Variants in IL4R observed in about 807,000 individuals in gnomAD.
IL4R encodes the protein interleukin 4 receptor.
IL4R carries 17 observed loss-of-function variants against 41.5 expected under a neutral mutation model. The observed-to-expected ratio is 0.41, with a 90% CI of 0.28 to 0.61. IL4R has a LOEUF of 0.61. IL4R is among the 20% of genes least tolerant of loss of function. IL4R has a pLI of 0.31. For missense variants in IL4R, 974 were observed against 1,043.1 expected (o/e 0.93, Z 0.91); for synonymous variants, 402 against 422.9 (o/e 0.95, Z 0.61).
intron 1 of IL4R, among the ~76,000 whole-genome samples, chr16:27,315,140 C>T (rs1211095182): frequency 1.3e-5 from 2 of 152,242 alleles, no homozygotes; most frequent in African/African-American, 2.4e-5. Context: ...CACTGCACTT[C>T]CCTGCCCCCA....
At position 27,364,066 on chromosome 16, in the gene IL4R, GC is replaced by G. The variant is rs1382128286; in HGVS notation, c.*238del. On this transcript the variant is annotated 3_prime_UTR_variant, in exon 11 of 11. Transcript: ENST00000395762. ...CCATGAGAGTAGAGGGCACTGGGTC[GC>G]CGTGCCCCACGGCAGGCCCCTGCAG... 9 of 507,664 alleles carry G rather than the reference GC, an allele frequency of 1.8e-5. No individual in the cohort carries two copies. In the East Asian group the frequency reaches 2.2e-4, roughly 13 times the overall value. The allele number at this position is 507,664 out of a possible 1,614,324, so 31.4% of individuals were successfully genotyped here. A position where few individuals can be genotyped will look rare whatever the true frequency, so the allele number is the denominator to read the frequency against.
intron 1 of IL4R, among the ~76,000 whole-genome samples, chr16:27,319,196 G>A (rs796463375): frequency 6.6e-6 from 1 of 152,358 alleles, no homozygotes; most frequent in African/African-American, 2.4e-5. Context: ...GGTGTGGTTG[G>A]ATGGAACCAA....
intron 2 of IL4R, among the ~76,000 whole-genome samples, chr16:27,331,226 G>C (rs1290968685): frequency 6.6e-6 from 1 of 151,946 alleles, no homozygotes; most frequent in Non-Finnish European, 1.5e-5. Flanking sequence ...CAGGGTTTGG[G>C]GTTTACATTA....
At chr16:27,338,134 T>C (rs1275036922) in intron 2 of IL4R, among the ~76,000 whole-genome samples, 1 of 151,674 alleles carries the variant, frequency 6.6e-6, no homozygotes, top group Non-Finnish European at 1.5e-5. Flanking sequence ...TTTTTGTATT[T>C]TTAGTAGAGA....
At chr16:27,355,681 G>T in intron 7 of IL4R, 127 bp from the exon 8 acceptor site, 2 of 626,810 alleles carry the variant, frequency 3.2e-6, no homozygotes, top group South Asian at 3.6e-5. Context: ...AGGTGGAGGG[G>T]TGGTCGGCGG....
chr16:27,314,245 C>T (rs2141035627), intron 1 of IL4R: 1 of 426,496 alleles, frequency 2.3e-6, no homozygotes, highest in African/African-American at 2.1e-5. Context: ...CGTGGACACC[C>T]AGCGCTCCCC....
chr16:27,362,083 G>A (rs185380089), intron 10 of IL4R, among the ~76,000 whole-genome samples, 169 bp from the exon 11 acceptor site: 1 of 152,250 alleles, frequency 6.6e-6, no homozygotes, highest in African/African-American at 2.4e-5. Flanking sequence ...TACCCTCAGG[G>A]ATTTCTCATT....
At chr16:27,360,717 C>T (rs995814340) in intron 9 of IL4R, 49 bp from the exon 10 acceptor site, 16 of 1,613,052 alleles carry the variant, frequency 9.9e-6, no homozygotes, top group Admixed American at 3.3e-5. Flanking sequence ...TACTCCAGGC[C>T]GGGCTGCAAG....
At chr16:27,342,305 G>A (rs2141134057) in intron 4 of IL4R, 46 bp downstream of exon 4, 1 of 1,611,912 alleles carries the variant, frequency 6.2e-7, no homozygotes, top group East Asian at 2.2e-5. Flanking sequence ...TGTGCCCAAA[G>A]GGTTTGCCCC....
At chr16:27,315,578 A>C (rs1213270458) in intron 1 of IL4R, 1 of 153,204 alleles carries the variant, frequency 6.5e-6, no homozygotes, top group Non-Finnish European at 1.5e-5. Context: ...TGAGTAGAGC[A>C]GGGGAGTCTG....
intron 1 of IL4R, 148 bp downstream of exon 1, chr16:27,314,168 G>GCGCTGCTC: frequency 1.1e-6 from 1 of 935,982 alleles, no homozygotes; most frequent in Non-Finnish European, 1.3e-6. Context: ...GACTCTCGGT[G>GCGCTGCTC]CGCGCGGAGC....
intron 2 of IL4R, among the ~76,000 whole-genome samples, chr16:27,337,741 C>T (rs370981720): frequency 1.3e-4 from 20 of 151,286 alleles, no homozygotes; most frequent in African/African-American, 3.6e-4. Flanking sequence ...CACTACCGCC[C>T]GGCTAATTTT....
In IL4R at chr16:27,345,180, C is replaced by T. The variant is rs1483066338; in HGVS notation, c.361+160C>T. 11 of 807,540 alleles carry T rather than the reference C, an allele frequency of 1.4e-5. No homozygotes were observed. The East Asian group carries it at 2.9e-4, about 22-fold the overall frequency. 50.0% of individuals were successfully genotyped at this position (807,540 alleles called of 1,614,324 possible). ...ATGGGATTCCTGCCCCTGCCTGGGC[C>T]TCAGTCCTCCCACCTTTGAAACGGA... On this transcript the variant is annotated intron_variant, in intron 5 of 10. Coordinates refer to ENST00000395762, the MANE Select transcript of IL4R (RefSeq NM_000418.4). The surrounding 1 kb of genome is among the most constrained non-coding windows in gnomAD (Gnocchi z 4.5).
chr16:27,362,894 TCCAGACCCACTGCTGG>T lies in IL4R; in HGVS notation c.1549_1564del (p.Pro517ThrfsTer5), dbSNP rs1237619386. On this transcript the variant is annotated frameshift_variant, in exon 11 of 11. Transcript: ENST00000395762. LOFTEE classifies it low-confidence loss of function (END_TRUNC). ...AGTCACCGTGTCCCAGAGAGCTGGG[TCCAGACCCACTGCTGG>T]CCAGACACCTGGAGGAAGTAGAACC... 1.2e-6 allele frequency: 2 copies of T among 1,613,930 alleles called. No individual in the cohort carries two copies. The highest frequency in any genetic ancestry group is 1.7e-6 in the Non-Finnish European group (2 of 1,180,018).
chr16:27,318,619 C>G (rs1283477034), intron 1 of IL4R: 3 of 152,302 alleles, frequency 2.0e-5, no homozygotes, highest in Non-Finnish European at 4.4e-5. Flanking sequence ...CTCTGACTGA[C>G]TCATTCTCTC....
chr16:27,356,178 G>A (rs1472895404), intron 8 of IL4R, among the ~76,000 whole-genome samples: 2 of 143,528 alleles, frequency 1.4e-5, no homozygotes, highest in East Asian at 2.0e-4. Flanking sequence ...AGTAACCTCC[G>A]CCTCCCGGGT....
At chr16:27,322,475 C>T (rs2084842238) in intron 1 of IL4R, among the ~76,000 whole-genome samples, 1 of 152,176 alleles carries the variant, frequency 6.6e-6, no homozygotes, top group Non-Finnish European at 1.5e-5. Flanking sequence ...CCGCAGCTGG[C>T]TGAATTGTTC....
intron 7 of IL4R, among the ~76,000 whole-genome samples, chr16:27,354,436 A>G (rs1228565835): frequency 6.6e-6 from 1 of 152,188 alleles, no homozygotes; most frequent in Non-Finnish European, 1.5e-5. Context: ...TTTAATCAGG[A>G]AGCAAACATC....
intron 9 of IL4R, among the ~76,000 whole-genome samples, chr16:27,359,611 AGTG>A (rs138640688): frequency 0.74 from 111,554 of 151,706 alleles, 44,348 homozygotes; most frequent in East Asian, 0.91. Context: ...TCTGGAATCT[AGTG>A]GTGTTGGCTT....
Sources: gnomAD v4.1 joint callset for allele counts (sites outside exome capture counted in the v4.1 genomes callset) on GRCh38, gnomAD v4.1.1 for gene constraint, Gnocchi (gnomAD v3.1) non-coding constraint, MANE v1.5 for transcripts, NCBI Gene and HGNC (gene_info 2026-07-23, HGNC 2026-07-21) for gene names.